Variants in SYCP1 observed in about 807,000 individuals in gnomAD.
The protein encoded by SYCP1 is synaptonemal complex protein 1.
A neutral mutation model predicts 153.1 loss-of-function variants in SYCP1; 64 were observed. The ratio of observed to expected loss-of-function variants is 0.42; its 90% CI spans 0.34 to 0.51. The LOEUF (loss-of-function observed/expected upper bound fraction) is 0.51, where lower values mean the gene tolerates loss of function less well. Ranked by LOEUF, SYCP1 falls within the 20% of genes least tolerant of loss-of-function variation. The pLI is 0.06. For missense variants in SYCP1, 997 were observed against 1,049.0 expected, an observed-to-expected ratio of 0.95 and a Z score of 0.68; for synonymous variants, 384 against 341.8, an observed-to-expected ratio of 1.12 and a Z score of -1.36.
chr1:114,943,051 A>G (rs761079913), intron 23 of SYCP1, among the ~76,000 whole-genome samples: 1 of 151,992 alleles, frequency 6.6e-6, no homozygotes, highest in Non-Finnish European at 1.5e-5. Flanking sequence ...AATTTTCTGG[A>G]AAGTGCAAAT....
At chr1:114,916,540 T>C (rs1668519978) in intron 20 of SYCP1, among the ~76,000 whole-genome samples, 1 of 151,930 alleles carries the variant, frequency 6.6e-6, no homozygotes, top group Non-Finnish European at 1.5e-5. Context: ...TTTGGTATGA[T>C]TTGTGATTTT....
Position 114,993,644 on chromosome 1 carries a change from A to G in SYCP1, c.2704-1054A>G, listed in dbSNP as rs1674075212. On this transcript the variant is annotated intron_variant, in intron 30 of 31. Coordinates refer to ENST00000369522, the MANE Select transcript of SYCP1 (RefSeq NM_003176.4). ...AGAGACTGGTACTAGAAAGTACTAA[A>G]TAAGTGTTAGCTATCATTATTTGGG... is the stretch of plus-strand genomic sequence containing the variant. Among the ~76,000 whole-genome samples, 2 of 151,546 alleles carry G rather than the reference A, an allele frequency of 1.3e-5. 1 individual carries two copies. The highest frequency in any genetic ancestry group is 3.0e-5 in the Non-Finnish European group (2 of 67,632).
chr1:114,904,120 CTT>C (rs1272855607), intron 16 of SYCP1, among the ~76,000 whole-genome samples: 10 of 142,204 alleles, frequency 7.0e-5, no homozygotes, highest in Non-Finnish European at 7.7e-5. Context: ...TTCTTTCTTT[CTT>C]TTTTTTTTTT....
intron 8 of SYCP1, among the ~76,000 whole-genome samples, chr1:114,867,009 A>G (rs891851709): frequency 6.6e-6 from 1 of 151,314 alleles, no homozygotes; most frequent in African/African-American, 2.4e-5. Flanking sequence ...ATATCAGTTG[A>G]CTATATTTGT....
intron 8 of SYCP1, among the ~76,000 whole-genome samples, chr1:114,864,747 C>A (rs1316781865): frequency 1.3e-5 from 2 of 152,158 alleles, no homozygotes; most frequent in African/African-American, 2.4e-5. Flanking sequence ...CTTGGCCTCC[C>A]AAAATGTTGG....
At chr1:114,955,248 G>T (rs1671361087) in intron 27 of SYCP1, among the ~76,000 whole-genome samples, 1 of 151,992 alleles carries the variant, frequency 6.6e-6, no homozygotes, top group African/African-American at 2.4e-5. Flanking sequence ...AATCCCATTT[G>T]GTGTATGACA....
intron 12 of SYCP1, among the ~76,000 whole-genome samples, chr1:114,884,337 G>A (rs557519888): frequency 2.0e-5 from 3 of 152,240 alleles, no homozygotes; most frequent in South Asian, 2.1e-4. Context: ...ACACTTGCCC[G>A]TGACCTTTTC....
At chr1:114,912,601 G>A (rs761447720) in intron 18 of SYCP1, among the ~76,000 whole-genome samples, 6 of 151,896 alleles carry the variant, frequency 4.0e-5, no homozygotes, top group Admixed American at 6.6e-5. Flanking sequence ...TGTGCACAAC[G>A]TGCAGGTAAA....
intron 13 of SYCP1, 97 bp downstream of exon 13, chr1:114,885,726 A>C: frequency 1.5e-6 from 1 of 673,546 alleles, no homozygotes; most frequent in Non-Finnish European, 2.4e-6. Flanking sequence ...AAGGACCTGG[A>C]GTTTCAAATA....
Position 114,918,617 on chromosome 1 carries a change from C to T in SYCP1, c.1718+4572C>T, listed in dbSNP as rs932318958. 1.1e-4 allele frequency among the ~76,000 whole-genome samples: 16 copies of T among 151,996 alleles called. No individual in the cohort carries two copies. The South Asian group carries it at 1.9e-3, about 18-fold the overall frequency. On this transcript the variant is annotated intron_variant, in intron 20 of 31. Coordinates refer to ENST00000369522, the MANE Select transcript of SYCP1 (RefSeq NM_003176.4). ...TTTAACAGTATTGATTGTTCCAGTC[C>T]GTGAACACGTAGTGTCTTTCCTTTT... is the stretch of plus-strand genomic sequence containing the variant.
Position 114,919,389 on chromosome 1 carries a change from G to T in SYCP1, c.1719-4060G>T, listed in dbSNP as rs372765673. 3.9e-5 allele frequency among the ~76,000 whole-genome samples: 6 copies of T among 152,092 alleles called. No homozygotes were observed. The East Asian group carries it at 7.7e-4, about 20-fold the overall frequency. On this transcript the variant is annotated intron_variant, in intron 20 of 31. Transcript: ENST00000369522. ...TGATTAATGATCTTTTTAATGTATT[G>T]TTGAATTTGGTTTGCTAGTATGTTG...
rs184414922 is a variant in SYCP1 at position 114,926,189 on chromosome 1, T to C, written c.1801-89T>C. The C allele has an allele frequency of 2.2e-3, 2,245 of 1,015,956 alleles. 21 individuals carry two copies. Among genetic ancestry groups the C allele is most frequent in the South Asian group, 0.02 (607 of 30,780 alleles). The allele number at this position is 1,015,956 out of a possible 1,614,324, so 62.9% of individuals were successfully genotyped here. Reference sequence around the variant, plus strand: ...ATGATTTTGAAGTGACCTTTATCAGTACTTTATGCAATATTTTTATTAGTC... The same window carrying C: ...ATGATTTTGAAGTGACCTTTATCAGCACTTTATGCAATATTTTTATTAGTC... On this transcript the variant is annotated intron_variant, in intron 21 of 31. Transcript: ENST00000369522.
At chr1:114,903,806 A>G (rs1389562525) in intron 16 of SYCP1, among the ~76,000 whole-genome samples, 1 of 152,192 alleles carries the variant, frequency 6.6e-6, no homozygotes, top group Non-Finnish European at 1.5e-5. Context: ...TAGTGAGAAA[A>G]AGTGATGTAG....
At chr1:114,935,882 A>T (rs360665) in intron 23 of SYCP1, among the ~76,000 whole-genome samples, 75,191 of 151,730 alleles carry the variant, frequency 0.5, 19,912 homozygotes, top group Middle Eastern at 0.62. Flanking sequence ...AGTAGACCAA[A>T]AAGGTTCTGA....
At chr1:114,975,441 TA>T (rs958089991) in intron 27 of SYCP1, among the ~76,000 whole-genome samples, 7 of 151,322 alleles carry the variant, frequency 4.6e-5, no homozygotes, top group Non-Finnish European at 1.0e-4. Flanking sequence ...ATAATGTATC[TA>T]ATACTGTCTC....
At position 114,886,159 on chromosome 1, in the gene SYCP1, T is replaced by C. The variant is rs1666283116; in HGVS notation, c.1040T>C (p.Ile347Thr). ...AAGGCTTTAGAGGAAGATTTACAGA[T>C]AGCAACAAAAACAATTTGTCAGCTA... ...TQKALEEDLQIATKTICQLTE... is the reference protein window; with the variant it reads ...TQKALEEDLQTATKTICQLTE... The change falls in exon 14 of 32, where the codon ATA becomes ACA. Residue 347 changes from isoleucine to threonine, a missense_variant. Ile to Thr is a moderately conservative substitution (Grantham distance 89). This residue lies in a region of SYCP1 where 712 missense variants were observed against 682.9 expected (regional missense o/e 1.04). Transcript: ENST00000369522. 6.2e-7 allele frequency: 1 copy of C among 1,609,024 alleles called. No individual in the cohort carries two copies. The highest frequency in any genetic ancestry group is 8.5e-7 in the Non-Finnish European group (1 of 1,178,256).
intron 7 of SYCP1, 80 bp from the exon 8 acceptor site, chr1:114,860,654 AAC>A: frequency 1.2e-6 from 1 of 859,776 alleles, no homozygotes; most frequent in Non-Finnish European, 1.8e-6. Context: ...TAAAAATTGT[AAC>A]AATATATTTC....
intron 27 of SYCP1, among the ~76,000 whole-genome samples, chr1:114,951,428 G>A (rs1671099004): frequency 6.6e-6 from 1 of 152,022 alleles, no homozygotes; most frequent in Non-Finnish European, 1.5e-5. Flanking sequence ...TTTGAAATTG[G>A]AATTGCAGAA....
intron 21 of SYCP1, among the ~76,000 whole-genome samples, chr1:114,924,359 A>T (rs1669114598): frequency 6.6e-6 from 1 of 152,180 alleles, no homozygotes; most frequent in Admixed American, 6.5e-5. Context: ...ATGTCGACTC[A>T]TAGAGATAGA....
Sources: allele counts gnomAD v4.1 joint callset (sites outside exome capture counted in the v4.1 genomes callset), GRCh38; gene constraint gnomAD v4.1.1; regional missense constraint gnomAD v4.1.1; transcripts MANE v1.5; gene names NCBI Gene and HGNC (gene_info 2026-07-23, HGNC 2026-07-21).